Variants in CCDC73 observed in about 807,000 individuals in gnomAD.
The protein encoded by CCDC73 is coiled-coil domain containing 73.
Under a neutral mutation model 116.5 loss-of-function variants are expected in CCDC73, and 95 were observed. The observed-to-expected ratio is 0.82, with a 90% CI of 0.69 to 0.97. The LOEUF is 0.97. Among genes scored for constraint, CCDC73 ranks in the 50% least tolerant of loss-of-function variants. The pLI is 0.00. For synonymous variants in CCDC73, 398 were observed against 401.3 expected, an observed-to-expected ratio of 0.99 and a Z score of 0.10; for missense variants, 1,066 against 1,206.8, an observed-to-expected ratio of 0.88 and a Z score of 1.73.
chr11:32,766,101 T>C (rs1850439199), intron 1 of CCDC73, among the ~76,000 whole-genome samples: 1 of 152,168 alleles, frequency 6.6e-6, no homozygotes, highest in Non-Finnish European at 1.5e-5. Flanking sequence ...TCAAAAAACT[T>C]ATCCACCATG....
At chr11:32,689,461 G>A (rs950489649) in intron 6 of CCDC73, among the ~76,000 whole-genome samples, 10 of 152,044 alleles carry the variant, frequency 6.6e-5, no homozygotes, top group Admixed American at 3.3e-4. Flanking sequence ...ACTGCAAACA[G>A]GAAGACTTGT....
At chr11:32,792,723 G>T (rs1350926847) in intron 1 of CCDC73, among the ~76,000 whole-genome samples, 1 of 152,132 alleles carries the variant, frequency 6.6e-6, no homozygotes, top group Non-Finnish European at 1.5e-5. Context: ...GATCAAACTT[G>T]CAATAACTTT....
chr11:32,797,837 A>C (rs1484830095), upstream of CCDC73, among the ~76,000 whole-genome samples: 1 of 152,204 alleles, frequency 6.6e-6, no homozygotes, highest in East Asian at 1.9e-4. Context: ...CAAAATCCAC[A>C]TTGGTAAAAT....
intron 1 of CCDC73, among the ~76,000 whole-genome samples, chr11:32,783,266 T>C (rs1408070447): frequency 6.6e-6 from 1 of 151,944 alleles, no homozygotes; most frequent in Non-Finnish European, 1.5e-5. Flanking sequence ...AAAGGGAAAA[T>C]GATTACCAGA....
intron 2 of CCDC73, among the ~76,000 whole-genome samples, chr11:32,746,306 G>T (rs1022927002): frequency 4.6e-5 from 7 of 152,202 alleles, no homozygotes; most frequent in African/African-American, 1.2e-4. Flanking sequence ...CTGTTAGTCT[G>T]ATGGGCTTCC....
intron 6 of CCDC73, among the ~76,000 whole-genome samples, chr11:32,690,167 T>C (rs569195524): frequency 6.6e-6 from 1 of 152,294 alleles, no homozygotes; most frequent in Non-Finnish European, 1.5e-5. Flanking sequence ...GATAATGACT[T>C]AAATTGTTCC....
intron 6 of CCDC73, among the ~76,000 whole-genome samples, chr11:32,686,149 G>C (rs1856197775): frequency 6.8e-6 from 1 of 147,158 alleles, no homozygotes; most frequent in Admixed American, 6.9e-5. Flanking sequence ...GGAGGACTAG[G>C]GTGTTAGTAG....
At chr11:32,648,677 G>T (rs34273604) in intron 12 of CCDC73, among the ~76,000 whole-genome samples, 2 of 151,794 alleles carry the variant, frequency 1.3e-5, no homozygotes, top group African/African-American at 4.8e-5. Context: ...TCAGGCTCCC[G>T]AGTAGCTGGG....
the CCDC73 span, among the ~76,000 whole-genome samples, chr11:32,804,257 G>A: frequency 6.6e-6 from 1 of 152,150 alleles, no homozygotes; most frequent in East Asian, 1.9e-4. Flanking sequence ...TCCTGCCTCA[G>A]CCTCCCGAGT....
chr11:32,753,529 A>T (rs747541323), intron 2 of CCDC73, among the ~76,000 whole-genome samples: 1 of 151,768 alleles, frequency 6.6e-6, no homozygotes, highest in Non-Finnish European at 1.5e-5. Flanking sequence ...CAGTGACATG[A>T]TCTTGGCTTA....
At chr11:32,702,593 A>G (rs367664684) in intron 4 of CCDC73, among the ~76,000 whole-genome samples, 5 of 152,326 alleles carry the variant, frequency 3.3e-5, no homozygotes, top group East Asian at 1.9e-4. Context: ...ACAATAACAC[A>G]CACATCCCAT....
At chr11:32,822,229 C>T in the CCDC73 span, among the ~76,000 whole-genome samples, 5 of 152,106 alleles carry the variant, frequency 3.3e-5, no homozygotes, top group Admixed American at 6.5e-5. Context: ...CTTGTTGAGA[C>T]GTTAAAAAGA....
rs1285730328 is a variant in CCDC73, at chr11:32,707,342, G to A, written c.208-4398C>T. 2.0e-5 allele frequency among the ~76,000 whole-genome samples: 3 copies of A among 151,304 alleles called. No individual in the cohort carries two copies. The South Asian group carries it at 6.3e-4, about 32-fold the overall frequency. The stretch of plus-strand genomic sequence containing the variant: ...ATTTTACCCACTTCTTTGTATTACT[G>A]AGCCCAAGTACTATGTTATCTTCAG... On this transcript the variant is annotated intron_variant, in intron 3 of 17. Coordinates refer to ENST00000335185, the MANE Select transcript of CCDC73 (RefSeq NM_001008391.4).
At chr11:32,699,169 T>A (rs1460014488) in intron 6 of CCDC73, 82 bp downstream of exon 6, 28 of 1,389,306 alleles carry the variant, frequency 2.0e-5, no homozygotes, top group Non-Finnish European at 2.5e-5. Context: ...CTTTGCTTTG[T>A]AGCTTACATA....
chr11:32,718,383 G>T (rs1234410124), intron 2 of CCDC73, among the ~76,000 whole-genome samples: 1 of 152,150 alleles, frequency 6.6e-6, no homozygotes, highest in East Asian at 1.9e-4. Flanking sequence ...CCTGACATTT[G>T]CTTACCTGGG....
At chr11:32,608,366 C>T (rs1855381730) in intron 17 of CCDC73, among the ~76,000 whole-genome samples, 1 of 152,076 alleles carries the variant, frequency 6.6e-6, no homozygotes, top group Non-Finnish European at 1.5e-5. Context: ...ACAGCTGTTC[C>T]AAATGGGAGA....
intron 7 of CCDC73, chr11:32,682,992 C>A: frequency 1.3e-5 from 2 of 155,010 alleles, no homozygotes; most frequent in Admixed American, 6.4e-5. Context: ...GAAAAGATAC[C>A]ATTAAAATAA....
At position 32,683,565 on chromosome 11, in the gene CCDC73, AT is replaced by A; in HGVS notation, c.399del (p.Lys133AsnfsTer8). ...KETLKALQVS[K>X]YSLQKKVSEM... ...TCACTCACTTTCTTCTGTAAAGAGT[AT>A]TTAGAAACCTTGAAAAATAAGGGGG... On this transcript the variant is annotated frameshift_variant, in exon 7 of 18. Coordinates refer to ENST00000335185, the MANE Select transcript of CCDC73 (RefSeq NM_001008391.4). LOFTEE classifies it high-confidence loss of function. The A allele has an allele frequency of 6.7e-7, 1 of 1,502,536 alleles. No individual in the cohort carries two copies. 93.1% of individuals were successfully genotyped at this position (1,502,536 alleles called of 1,614,324 possible).
chr11:32,739,184 C>A (rs985789093), intron 2 of CCDC73, among the ~76,000 whole-genome samples: 3 of 151,888 alleles, frequency 2.0e-5, no homozygotes, highest in South Asian at 2.1e-4. Context: ...CTGGGTCTTT[C>A]GTGGTTCCAT....
Sources: gnomAD v4.1 joint callset for allele counts (sites outside exome capture counted in the v4.1 genomes callset) on GRCh38, gnomAD v4.1.1 for gene constraint, MANE v1.5 for transcripts, NCBI Gene and HGNC (gene_info 2026-07-23, HGNC 2026-07-21) for gene names.